The following ZNF385D variants were observed in gnomAD, a reference collection of about 807,000 sequenced individuals.
ZNF385D encodes the protein zinc finger protein 659.
A neutral mutation model predicts 35.8 loss-of-function variants in ZNF385D; 15 were observed. That is an observed-to-expected ratio of 0.42 (90% CI 0.28 to 0.64). The LOEUF is 0.64. ZNF385D is among the 30% of genes least tolerant of loss of function. The pLI, the probability that ZNF385D is intolerant of heterozygous loss-of-function variation, is 0.23. For missense variants in ZNF385D, 474 were observed against 494.6 expected (o/e 0.96, Z 0.39); for synonymous variants, 212 against 186.8 (o/e 1.13, Z -1.10).
At chr3:21,920,062 A>G (rs1303859350) in intron 3 of ZNF385D, among the ~76,000 whole-genome samples, 1 of 152,212 alleles carries the variant, frequency 6.6e-6, no homozygotes. Context: ...ATCTAGCCAA[A>G]GTATATTTTG....
chr3:21,898,809 T>C (rs948929071), intron 3 of ZNF385D, among the ~76,000 whole-genome samples: 4 of 152,126 alleles, frequency 2.6e-5, no homozygotes, highest in African/African-American at 9.7e-5. Flanking sequence ...ACCACGACTC[T>C]CAGCATCACA....
intron 3 of ZNF385D, among the ~76,000 whole-genome samples, chr3:22,103,684 G>A (rs1432773215): frequency 1.5e-5 from 2 of 135,178 alleles, no homozygotes; most frequent in African/African-American, 5.0e-5. Flanking sequence ...TTGTGGACAC[G>A]TTAGTACTGT....
chr3:22,326,890 A>G (rs762508214), intron 2 of ZNF385D, among the ~76,000 whole-genome samples: 1 of 152,218 alleles, frequency 6.6e-6, no homozygotes, highest in Non-Finnish European at 1.5e-5. Context: ...TTAAGGCAGG[A>G]AAGCAAGTTG....
chr3:22,361,465 C>T (rs141268324), intron 2 of ZNF385D, among the ~76,000 whole-genome samples: 19 of 152,150 alleles, frequency 1.2e-4, no homozygotes, highest in East Asian at 7.7e-4. Context: ...CTTCAGCATT[C>T]GCATAAAAGT....
At chr3:22,307,334 C>T (rs1385378010) in intron 2 of ZNF385D, among the ~76,000 whole-genome samples, 1 of 152,090 alleles carries the variant, frequency 6.6e-6, no homozygotes, top group Non-Finnish European at 1.5e-5. Context: ...ACAATGAAGA[C>T]TCTAAATAGT....
chr3:21,688,424 CAA>C (rs2067178540), intron 1 of ZNF385D, among the ~76,000 whole-genome samples: 1 of 151,706 alleles, frequency 6.6e-6, no homozygotes, highest in Admixed American at 6.6e-5. Context: ...TCAAATGAAA[CAA>C]AATTTAAAGG....
intron 2 of ZNF385D, among the ~76,000 whole-genome samples, chr3:21,603,391 T>C (rs2064377233): frequency 6.9e-6 from 1 of 145,536 alleles, no homozygotes; most frequent in Non-Finnish European, 1.5e-5. Flanking sequence ...CTGCTTCTGG[T>C]AACATCATAT....
chr3:21,980,189 T>C (rs990444907), intron 3 of ZNF385D, among the ~76,000 whole-genome samples: 2 of 152,162 alleles, frequency 1.3e-5, no homozygotes, highest in African/African-American at 4.8e-5. Flanking sequence ...AGTAACTTTC[T>C]TGGCATGTGA....
At chr3:21,442,467 G>A (rs766802062) in intron 4 of ZNF385D, among the ~76,000 whole-genome samples, 4 of 152,152 alleles carry the variant, frequency 2.6e-5, no homozygotes, top group Non-Finnish European at 4.4e-5. Context: ...ACATTCTGAA[G>A]TAGAAAAAGG....
intron 3 of ZNF385D, among the ~76,000 whole-genome samples, chr3:21,549,272 G>A (rs2062487734): frequency 6.6e-6 from 1 of 152,150 alleles, no homozygotes; most frequent in Non-Finnish European, 1.5e-5. Context: ...GTCCTGAAAT[G>A]ACCTAATATT....
intron 3 of ZNF385D, among the ~76,000 whole-genome samples, chr3:22,082,687 T>G (rs9848522): frequency 6.6e-6 from 1 of 151,978 alleles, no homozygotes; most frequent in African/African-American, 2.4e-5. Flanking sequence ...CTGACAGCTC[T>G]GAAGAGAGCA....
At chr3:22,007,605 T>C (rs919336153) in intron 3 of ZNF385D, among the ~76,000 whole-genome samples, 3 of 152,222 alleles carry the variant, frequency 2.0e-5, no homozygotes, top group African/African-American at 4.8e-5. Flanking sequence ...CTATGAGCCA[T>C]GTATGAAAGT....
intron 3 of ZNF385D, among the ~76,000 whole-genome samples, chr3:21,820,156 G>A (rs1022317903): frequency 6.6e-6 from 1 of 151,560 alleles, no homozygotes; most frequent in Non-Finnish European, 1.5e-5. Context: ...TTAAACAGGA[G>A]AATATACTTC....
At chr3:22,231,471 C>A (rs1698885339) in intron 2 of ZNF385D, among the ~76,000 whole-genome samples, 1 of 152,168 alleles carries the variant, frequency 6.6e-6, no homozygotes, top group African/African-American at 2.4e-5. Flanking sequence ...CTTGACCTGA[C>A]AAACAGCTTC....
chr3:22,100,625 A>C (rs1701881959), intron 3 of ZNF385D, among the ~76,000 whole-genome samples: 1 of 145,850 alleles, frequency 6.9e-6, no homozygotes, highest in Non-Finnish European at 1.5e-5. Flanking sequence ...ATAGGTGGGA[A>C]TTGAACAATG....
At chr3:22,334,964 T>C (rs942993472) in intron 2 of ZNF385D, among the ~76,000 whole-genome samples, 2 of 152,208 alleles carry the variant, frequency 1.3e-5, no homozygotes, top group Non-Finnish European at 2.9e-5. Context: ...ATGAGAATAT[T>C]CCTTGTTTAA....
intron 3 of ZNF385D, among the ~76,000 whole-genome samples, chr3:21,515,131 A>T (rs1707475417): frequency 1.3e-5 from 2 of 152,186 alleles, no homozygotes; most frequent in African/African-American, 4.8e-5. Flanking sequence ...AGTAGATAAA[A>T]ATAAGTCTTA....
At chr3:22,079,016 T>G (rs1337543578) in intron 3 of ZNF385D, among the ~76,000 whole-genome samples, 2 of 152,026 alleles carry the variant, frequency 1.3e-5, no homozygotes, top group African/African-American at 4.8e-5. Context: ...ACTCTTAGTT[T>G]TAGAATAACC....
intron 3 of ZNF385D, among the ~76,000 whole-genome samples, chr3:22,105,701 C>G (rs956096049): frequency 3.9e-5 from 6 of 152,046 alleles, no homozygotes; most frequent in Admixed American, 2.0e-4. Flanking sequence ...CCTTCCTCCA[C>G]CTTTTTGTTC....
Sources: allele counts gnomAD v4.1 joint callset (sites outside exome capture counted in the v4.1 genomes callset), GRCh38; gene constraint gnomAD v4.1.1; transcripts MANE v1.5; gene names NCBI Gene and HGNC (gene_info 2026-07-23, HGNC 2026-07-21).